The following PDE4D variants were observed in gnomAD, a reference collection of about 807,000 sequenced individuals.
PDE4D encodes phosphodiesterase 4D.
Under a neutral mutation model 87.4 loss-of-function variants are expected in PDE4D, and 24 were observed. That is an observed-to-expected ratio of 0.27 (90% CI 0.20 to 0.39). The LOEUF is 0.39. Among genes scored for constraint, PDE4D ranks in the 10% least tolerant of loss-of-function variants. The probability of loss-of-function intolerance (pLI) is 1.00; values close to 1 mark genes in which losing one functional copy is unlikely to be tolerated. For synonymous variants in PDE4D, 384 were observed against 383.2 expected, an observed-to-expected ratio of 1.00 and a Z score of -0.02; for missense variants, 714 against 1,041.0, an observed-to-expected ratio of 0.69 and a Z score of 4.32.
intron 1 of PDE4D, among the ~76,000 whole-genome samples, chr5:59,297,068 G>A (rs748935993): frequency 3.3e-5 from 5 of 152,280 alleles, no homozygotes; most frequent in East Asian, 1.9e-4. Flanking sequence ...CTGGAGGAGA[G>A]ATAAGTGTCT....
chr5:59,479,776 T>C (rs1803933638), intron 1 of PDE4D, among the ~76,000 whole-genome samples: 1 of 152,134 alleles, frequency 6.6e-6, no homozygotes, highest in Admixed American at 6.6e-5. Context: ...CTCAGCTGAT[T>C]CCAGCTGCTT....
intron 1 of PDE4D, among the ~76,000 whole-genome samples, chr5:59,813,431 C>T (rs1417754758): frequency 7.1e-6 from 1 of 140,574 alleles, no homozygotes; most frequent in Non-Finnish European, 1.5e-5. Flanking sequence ...TCAATTTTCA[C>T]AAGCATACAC....
intron 1 of PDE4D, among the ~76,000 whole-genome samples, chr5:59,352,857 T>G (rs1780742456): frequency 6.6e-6 from 1 of 152,186 alleles, no homozygotes; most frequent in African/African-American, 2.4e-5. Flanking sequence ...GGTACAAGCA[T>G]GCACATATGT....
In PDE4D at chr5:59,971,363, A is replaced by AAAATAAATAAATAAATAAAT. The variant is rs371424891; in HGVS notation, c.272+17124_272+17125insATTTATTTATTTATTTATTT. ...CCTAAAACTTAAAGTATAATAATAA[A>AAAATAAATAAATAAATAAAT]AAATAAATAAATAAATAAAAAAGAG... On this transcript the variant is annotated intron_variant, in intron 3 of 16. Transcript: ENST00000502484. Among the ~76,000 whole-genome samples, 651 of 145,966 alleles carry AAAATAAATAAATAAATAAAT rather than the reference A, an allele frequency of 4.5e-3. 4 individuals carry two copies. The highest frequency in any genetic ancestry group is 7.3e-3 in the Non-Finnish European group (483 of 66,506).
chr5:60,401,306 T>G (rs1741062522), intron 1 of PDE4D, among the ~76,000 whole-genome samples: 1 of 152,170 alleles, frequency 6.6e-6, no homozygotes, highest in South Asian at 2.1e-4. Context: ...GTTAGGCTTT[T>G]GATGACATGA....
In PDE4D at chr5:59,759,450, A is replaced by G. The variant is rs1230542162; in HGVS notation, c.455+133718T>C. Reference sequence around the variant, plus strand: ...AAATGTCAATGGTCATGGGAAGCACACGTGAATAATAAGCTGCAAGGTTAT... The same window carrying G: ...AAATGTCAATGGTCATGGGAAGCACGCGTGAATAATAAGCTGCAAGGTTAT... On this transcript the variant is annotated intron_variant, in intron 1 of 14. Coordinates refer to ENST00000340635, the MANE Select transcript of PDE4D (RefSeq NM_001104631.2). 4.6e-5 allele frequency among the ~76,000 whole-genome samples: 7 copies of G among 152,226 alleles called. No individual in the cohort carries two copies. In the East Asian group the frequency reaches 1.2e-3, roughly 25 times the overall value.
intron 1 of PDE4D, among the ~76,000 whole-genome samples, chr5:60,509,940 G>A (rs1750497802): frequency 6.6e-6 from 1 of 152,338 alleles, no homozygotes; most frequent in African/African-American, 2.4e-5. Context: ...GCTGGTGCCA[G>A]TGGGACCAGT....
chr5:60,047,663 T>C (rs1375620324), intron 2 of PDE4D, among the ~76,000 whole-genome samples: 4 of 152,166 alleles, frequency 2.6e-5, no homozygotes, highest in Admixed American at 1.3e-4. Flanking sequence ...TCAGTTTCCA[T>C]GTAGTTGAGC....
chr5:59,768,104 G>T (rs1264918369), intron 1 of PDE4D: 42 of 1,049,566 alleles, frequency 4.0e-5, no homozygotes, highest in Non-Finnish European at 5.7e-5. Context: ...TGGGATTTAT[G>T]GTTAAGGGAG....
At chr5:59,387,136 T>C (rs1176287151) in intron 1 of PDE4D, among the ~76,000 whole-genome samples, 1 of 152,188 alleles carries the variant, frequency 6.6e-6, no homozygotes, top group Non-Finnish European at 1.5e-5. Flanking sequence ...TGCCATAATG[T>C]TCTCTGTGGA....
intron 1 of PDE4D, among the ~76,000 whole-genome samples, chr5:59,823,728 C>T (rs1038607800): frequency 6.6e-6 from 1 of 151,842 alleles, no homozygotes. Flanking sequence ...TCCTTGAGCC[C>T]TGCCTACTTT....
At chr5:59,977,239 G>A (rs961386228) in intron 3 of PDE4D, among the ~76,000 whole-genome samples, 3 of 152,194 alleles carry the variant, frequency 2.0e-5, no homozygotes, top group African/African-American at 7.2e-5. Context: ...GCTTTTGAAG[G>A]AAATTAAAAG....
intron 5 of PDE4D, among the ~76,000 whole-genome samples, chr5:59,137,539 T>C (rs1777258082): frequency 1.3e-5 from 2 of 151,696 alleles, no homozygotes; most frequent in African/African-American, 4.8e-5. Flanking sequence ...TTTTTTTTTT[T>C]TTCTTGAGAT....
intron 1 of PDE4D, among the ~76,000 whole-genome samples, chr5:59,419,935 G>C (rs1488207209): frequency 6.6e-6 from 1 of 152,174 alleles, no homozygotes; most frequent in Admixed American, 6.5e-5. Context: ...CAAAGGAACT[G>C]AGATGGGAAG....
intron 5 of PDE4D, among the ~76,000 whole-genome samples, chr5:59,066,093 A>AATTG (rs1763882790): frequency 6.6e-6 from 1 of 152,152 alleles, no homozygotes; most frequent in African/African-American, 2.4e-5. Flanking sequence ...AAACCTATCA[A>AATTG]TTCATTGATT....
chr5:60,256,646 G>A (rs1158690169), intron 1 of PDE4D, among the ~76,000 whole-genome samples: 1 of 151,746 alleles, frequency 6.6e-6, no homozygotes, highest in Non-Finnish European at 1.5e-5. Context: ...CTACCTTAAG[G>A]AAATAATACA....
At chr5:60,258,858 T>G (rs1749360199) in intron 1 of PDE4D, among the ~76,000 whole-genome samples, 1 of 151,960 alleles carries the variant, frequency 6.6e-6, no homozygotes, top group African/African-American at 2.4e-5. Context: ...TAACATAGTT[T>G]CAAATGAAAA....
At chr5:59,420,996 T>C (rs528587568) in intron 1 of PDE4D, among the ~76,000 whole-genome samples, 1 of 152,304 alleles carries the variant, frequency 6.6e-6, no homozygotes, top group African/African-American at 2.4e-5. Context: ...CGCGTATGTG[T>C]TTGTGTATTT....
At position 59,952,324 on chromosome 5, in the gene PDE4D, T is replaced by G. The variant is rs1194176005; in HGVS notation, c.272+36164A>C. On this transcript the variant is annotated intron_variant, in intron 3 of 16. Coordinates refer to the PDE4D transcript ENST00000502484. ...TTATAGCAGTGTGAAAACTGACTAA[T>G]GCAGCCCCTTTATATCCACAGTCCG... is the stretch of plus-strand genomic sequence containing the variant. Among the ~76,000 whole-genome samples the G allele has an allele frequency of 4.6e-5, 7 of 152,158 alleles. 1 individual carries two copies. The highest frequency in any genetic ancestry group is 4.6e-4 in the Admixed American group (7 of 15,274).
Sources: gnomAD v4.1 joint callset for allele counts (sites outside exome capture counted in the v4.1 genomes callset) on GRCh38, gnomAD v4.1.1 for gene constraint, MANE v1.5 for transcripts, NCBI Gene and HGNC (gene_info 2026-07-23, HGNC 2026-07-21) for gene names.